The following LRFN5 variants were observed in gnomAD, a reference collection of about 807,000 sequenced individuals.
LRFN5 encodes leucine-rich repeat and fibronectin type-III domain-containing protein 5.
A neutral mutation model predicts 45.6 loss-of-function variants in LRFN5; 24 were observed. That is an observed-to-expected ratio of 0.53 (90% confidence interval 0.38 to 0.74). LRFN5 has a LOEUF of 0.74. Among genes scored for constraint, LRFN5 ranks in the 30% least tolerant of loss-of-function variants. The probability of loss-of-function intolerance (pLI) is 0.00; values close to 1 mark genes in which losing one functional copy is unlikely to be tolerated. For synonymous variants in LRFN5, 340 were observed against 313.8 expected (o/e 1.08, Z -0.88); for missense variants, 776 against 861.5 (o/e 0.90, Z 1.24).
At chr14:41,621,382 G>T (rs1289154213) in intron 1 of LRFN5, among the ~76,000 whole-genome samples, 1 of 152,080 alleles carries the variant, frequency 6.6e-6, no homozygotes, top group Non-Finnish European at 1.5e-5. Context: ...TATGTGAGCT[G>T]AATTTAAATG....
chr14:41,695,946 G>A (rs1882591693), intron 1 of LRFN5, among the ~76,000 whole-genome samples: 1 of 151,792 alleles, frequency 6.6e-6, no homozygotes, highest in Admixed American at 6.6e-5. Context: ...GAGGGATCTG[G>A]GCAAAGTAAA....
chr14:41,884,905 T>A (rs949298491), intron 2 of LRFN5, among the ~76,000 whole-genome samples: 3 of 152,140 alleles, frequency 2.0e-5, no homozygotes, highest in African/African-American at 7.2e-5. Context: ...GCTTTTACCC[T>A]ACAAAAGGCA....
At chr14:41,824,858 G>A (rs1175992232) in intron 2 of LRFN5, among the ~76,000 whole-genome samples, 1 of 152,052 alleles carries the variant, frequency 6.6e-6, no homozygotes, top group African/African-American at 2.4e-5. Context: ...ATGCACTGTG[G>A]TCTCTGCAAG....
At chr14:41,904,098 G>A in intron 5 of LRFN5, 60 bp from the exon 6 acceptor site, 2 of 1,354,034 alleles carry the variant, frequency 1.5e-6, no homozygotes, top group East Asian at 2.3e-5. Context: ...TATTAGCTAT[G>A]TGTTTTCTTT....
chr14:41,835,067 A>C (rs1477727977), intron 2 of LRFN5, among the ~76,000 whole-genome samples: 1 of 152,170 alleles, frequency 6.6e-6, no homozygotes, highest in African/African-American at 2.4e-5. Context: ...GAATGAAAGC[A>C]AAGTTTTTTC....
chr14:41,775,093 C>CTTTT lies in LRFN5; in HGVS notation c.-21+8076_-21+8079dup, dbSNP rs59438733. On this transcript the variant is annotated intron_variant, in intron 2 of 5. Transcript: ENST00000298119. Reference sequence around the variant, plus strand: ...AGATTTGATGCTACTTTTTCTTTTTCTTTTTTTTTTTTTTTGAGACGGAGT... The same window carrying CTTTT: ...AGATTTGATGCTACTTTTTCTTTTTCTTTTTTTTTTTTTTTTTTTGAGACGGAGT... Among the ~76,000 whole-genome samples, 5 of 112,492 alleles carry CTTTT rather than the reference C, an allele frequency of 4.4e-5. 1 individual carries two copies. The highest frequency in any genetic ancestry group is 3.4e-4 in the East Asian group (1 of 2,958). 73.8% of individuals were successfully genotyped at this position (112,492 alleles called of 152,430 possible).
At chr14:41,757,461 C>T (rs986184280) in intron 1 of LRFN5, among the ~76,000 whole-genome samples, 5 of 152,208 alleles carry the variant, frequency 3.3e-5, no homozygotes, top group African/African-American at 7.2e-5. Flanking sequence ...CAATGGTGGG[C>T]GCCCCTCCCC....
chr14:41,718,486 C>T (rs1883581818), intron 1 of LRFN5, among the ~76,000 whole-genome samples: 1 of 152,092 alleles, frequency 6.6e-6, no homozygotes, highest in South Asian at 2.1e-4. Context: ...TTATTATAAC[C>T]ATTTTAAGCC....
chr14:41,608,885 G>T (rs1439570438), intron 1 of LRFN5, among the ~76,000 whole-genome samples: 3 of 152,164 alleles, frequency 2.0e-5, no homozygotes, highest in Non-Finnish European at 4.4e-5. Flanking sequence ...TCAGGCTGTG[G>T]TTGCCACGGA....
At chr14:41,741,835 C>T (rs890488297) in intron 1 of LRFN5, among the ~76,000 whole-genome samples, 3 of 144,092 alleles carry the variant, frequency 2.1e-5, no homozygotes, top group African/African-American at 7.6e-5. Context: ...AACCAAAAAA[C>T]TAATTTAGTA....
intron 1 of LRFN5, among the ~76,000 whole-genome samples, chr14:41,758,927 C>G (rs560168627): frequency 1.3e-5 from 2 of 152,132 alleles, no homozygotes; most frequent in East Asian, 1.9e-4. Flanking sequence ...ATGTTTTTTA[C>G]TATGTGATTT....
chr14:41,800,517 A>G (rs551667477), intron 2 of LRFN5, among the ~76,000 whole-genome samples: 1 of 151,764 alleles, frequency 6.6e-6, no homozygotes, highest in Non-Finnish European at 1.5e-5. Context: ...GCAAAAATAT[A>G]TAACAAATTT....
chr14:41,619,035 C>T (rs1172903556), intron 1 of LRFN5, among the ~76,000 whole-genome samples: 9 of 67,514 alleles, frequency 1.3e-4, no homozygotes. Context: ...AAAGGTTTTC[C>T]TCTTGTGCTA....
chr14:41,827,229 A>G (rs1468520479), intron 2 of LRFN5, among the ~76,000 whole-genome samples: 2 of 152,068 alleles, frequency 1.3e-5, no homozygotes, highest in Non-Finnish European at 2.9e-5. Context: ...TTTCTTTTTT[A>G]TATCAACCTA....
At chr14:41,786,048 G>A (rs184131679) in intron 2 of LRFN5, among the ~76,000 whole-genome samples, 1 of 152,220 alleles carries the variant, frequency 6.6e-6, no homozygotes, top group African/African-American at 2.4e-5. Flanking sequence ...TATGGTACAA[G>A]AAGCTTACAA....
chr14:41,894,906 A>G, intron 4 of LRFN5: 2 of 983,752 alleles, frequency 2.0e-6, no homozygotes, highest in Non-Finnish European at 2.4e-6. Flanking sequence ...ACAGTCATAT[A>G]TATGTGATCT....
intron 2 of LRFN5, among the ~76,000 whole-genome samples, chr14:41,790,055 A>G (rs1040471857): frequency 2.0e-5 from 3 of 151,936 alleles, no homozygotes; most frequent in Non-Finnish European, 2.9e-5. Flanking sequence ...TTTTACAGTG[A>G]ATACATCTGA....
intron 2 of LRFN5, among the ~76,000 whole-genome samples, chr14:41,785,485 C>G (rs373087111): frequency 1.4e-4 from 22 of 152,136 alleles, no homozygotes; most frequent in African/African-American, 5.1e-4. Flanking sequence ...CTTACCAAAG[C>G]TTCCTTTAAA....
intron 2 of LRFN5, among the ~76,000 whole-genome samples, chr14:41,838,302 T>A (rs1456964432): frequency 1.3e-5 from 2 of 152,192 alleles, no homozygotes; most frequent in African/African-American, 4.8e-5. Context: ...AGTCTATGAT[T>A]ATGGCATAGG....
Sources: allele counts gnomAD v4.1 joint callset (sites outside exome capture counted in the v4.1 genomes callset), GRCh38; gene constraint gnomAD v4.1.1; transcripts MANE v1.5; gene names NCBI Gene and HGNC (gene_info 2026-07-23, HGNC 2026-07-21).